GABPB1: variants seen among roughly 807,000 people sequenced by gnomAD.
The protein encoded by GABPB1 is GA-binding protein subunit beta-1.
Under a neutral mutation model 45.9 loss-of-function variants are expected in GABPB1, and 15 were observed. The observed-to-expected ratio is 0.33, with a 90% CI of 0.22 to 0.50. The LOEUF is 0.50. GABPB1 is among the 20% of genes least tolerant of loss of function. The pLI is 0.98. For synonymous variants in GABPB1, 143 were observed against 154.4 expected, an observed-to-expected ratio of 0.93 and a Z score of 0.55; for missense variants, 252 against 457.5, an observed-to-expected ratio of 0.55 and a Z score of 4.10.
intron 1 of GABPB1, chr15:50,347,388 C>A (rs1049795045): frequency 9.2e-5 from 14 of 151,964 alleles, no homozygotes; most frequent in Admixed American, 5.9e-4. Context: ...ACACACCATA[C>A]AAATTTTTTT....
intron 6 of GABPB1, among the ~76,000 whole-genome samples, chr15:50,294,278 G>A (rs995086325): frequency 2.6e-5 from 4 of 152,180 alleles, no homozygotes; most frequent in African/African-American, 9.7e-5. Flanking sequence ...CACTTCAGGA[G>A]GCCAAGGCAG....
At chr15:50,353,139 GAATTA>G (rs2048916933) in intron 1 of GABPB1, 1 of 152,118 alleles carries the variant, frequency 6.6e-6, no homozygotes, top group East Asian at 1.9e-4. Flanking sequence ...ATATGTAATA[GAATTA>G]AATGTTTTAA....
intron 6 of GABPB1, among the ~76,000 whole-genome samples, chr15:50,291,792 C>T (rs2046350577): frequency 6.6e-6 from 1 of 151,830 alleles, no homozygotes; most frequent in Non-Finnish European, 1.5e-5. Context: ...GTGTTTTACA[C>T]CTGTAGTCTC....
rs765328944 is a variant in GABPB1 at position 50,354,839 on chromosome 15, G to A, written c.-1+146C>T. On this transcript the variant is annotated intron_variant, in intron 1 of 8. Coordinates refer to ENST00000380877, the MANE Select transcript of GABPB1 (RefSeq NM_016654.5). ...CCCCGCGGAATAAGCGGGGCCAGGA[G>A]CCCCGGAAACCCGGCGCCTTAATGC... The A allele has an allele frequency of 3.0e-5, 7 of 230,682 alleles. No homozygotes were observed. In the South Asian group the frequency reaches 3.1e-4, roughly 10 times the overall value. 14.3% of individuals were successfully genotyped at this position (230,682 alleles called of 1,614,324 possible). A position where few individuals can be genotyped will look rare whatever the true frequency, so the allele number is the denominator to read the frequency against.
chr15:50,346,946 T>C, intron 1 of GABPB1, among the ~76,000 whole-genome samples: 1 of 152,066 alleles, frequency 6.6e-6, no homozygotes, highest in Non-Finnish European at 1.5e-5. Flanking sequence ...CCTGCCACTG[T>C]GCCCGGCTAA....
chr15:50,321,395 T>TA (rs1331062222), intron 1 of GABPB1, among the ~76,000 whole-genome samples: 1 of 152,194 alleles, frequency 6.6e-6, no homozygotes, highest in African/African-American at 2.4e-5. Flanking sequence ...AGTGAAATCA[T>TA]ACTCACAAAG....
chr15:50,286,408 T>A (rs972511611), intron 7 of GABPB1, among the ~76,000 whole-genome samples: 1 of 152,022 alleles, frequency 6.6e-6, no homozygotes, highest in African/African-American at 2.4e-5. Flanking sequence ...CAAATATTTT[T>A]TTAATTATAT....
At chr15:50,283,519 G>T (rs78382717) in intron 8 of GABPB1, among the ~76,000 whole-genome samples, 50 of 124,930 alleles carry the variant, frequency 4.0e-4, no homozygotes, top group African/African-American at 1.1e-3. Flanking sequence ...GCACCTTATT[G>T]TTTTTTTTTT....
rs1303718102 is a variant in GABPB1 at position 50,351,571 on chromosome 15, G to A, written c.-1+3414C>T. ...TAAGCCTGGGTAACAGAGAAAGCAA[G>A]ACCCTGTCAAAGAAAGAAGAGGTGC... On this transcript the variant is annotated intron_variant, in intron 1 of 8. Coordinates refer to ENST00000380877, the MANE Select transcript of GABPB1 (RefSeq NM_016654.5). The A allele has an allele frequency of 5.3e-5, 8 of 150,640 alleles. No individual in the cohort carries two copies. The Admixed American group carries it at 5.4e-4, about 10-fold the overall frequency. 9.3% of individuals were successfully genotyped at this position (150,640 alleles called of 1,614,324 possible).
chr15:50,337,096 T>TGA (rs2048166576), intron 1 of GABPB1, among the ~76,000 whole-genome samples: 1 of 16,402 alleles, frequency 6.1e-5, no homozygotes, highest in African/African-American at 1.6e-4. Flanking sequence ...TATATATATA[T>TGA]ATATATATAT....
At chr15:50,295,681 A>C (rs2046487031) in intron 6 of GABPB1, among the ~76,000 whole-genome samples, 1 of 152,138 alleles carries the variant, frequency 6.6e-6, no homozygotes, top group Admixed American at 6.5e-5. Context: ...CAAAATGAAA[A>C]TCACACAAAA....
intron 7 of GABPB1, among the ~76,000 whole-genome samples, chr15:50,289,117 TCTAGGAAACTA>T (rs1226568914): frequency 6.6e-6 from 1 of 152,206 alleles, no homozygotes; most frequent in Non-Finnish European, 1.5e-5. Flanking sequence ...CATTAAATGA[TCTAGGAAACTA>T]CTGTCCAATG....
Position 50,285,175 on chromosome 15 carries a change from C to T in GABPB1, c.999+893G>A, listed in dbSNP as rs115273853. The stretch of plus-strand genomic sequence containing the variant: ...AAATATTCACCAAGTTTACTACAAA[C>T]ACGTATCAGATATAAATATTGTATG... On this transcript the variant is annotated intron_variant, in intron 8 of 8. Transcript: ENST00000380877. Among the ~76,000 whole-genome samples the T allele has an allele frequency of 5.6e-3, 847 of 152,260 alleles. 8 individuals are homozygous for T. Among genetic ancestry groups the T allele is most frequent in the African/African-American group, 0.019 (804 of 41,560 alleles).
At chr15:50,302,314 C>T (rs2046779035) in intron 4 of GABPB1, among the ~76,000 whole-genome samples, 1 of 151,926 alleles carries the variant, frequency 6.6e-6, no homozygotes, top group Non-Finnish European at 1.5e-5. Context: ...CTTGGAAAAA[C>T]CATATAGTAT....
chr15:50,332,509 T>C (rs889794024), intron 1 of GABPB1, among the ~76,000 whole-genome samples: 2 of 152,180 alleles, frequency 1.3e-5, no homozygotes, highest in Non-Finnish European at 1.5e-5. Context: ...AACTACATAA[T>C]GCTAAGAAAT....
At chr15:50,299,646 G>A (rs1258582876) in intron 6 of GABPB1, among the ~76,000 whole-genome samples, 2 of 152,050 alleles carry the variant, frequency 1.3e-5, no homozygotes, top group African/African-American at 4.8e-5. Flanking sequence ...TGATCCACCC[G>A]CCTCAGCCTC....
At chr15:50,345,073 A>G (rs1458320286) in intron 1 of GABPB1, among the ~76,000 whole-genome samples, 1 of 152,124 alleles carries the variant, frequency 6.6e-6, no homozygotes, top group East Asian at 1.9e-4. Flanking sequence ...TAAAACATCT[A>G]AGAGGGGAAT....
intron 1 of GABPB1, among the ~76,000 whole-genome samples, chr15:50,312,741 G>A (rs892866819): frequency 2.0e-5 from 3 of 152,114 alleles, no homozygotes; most frequent in Non-Finnish European, 4.4e-5. Context: ...TTTTACACAG[G>A]TAATATAAAA....
At chr15:50,292,473 T>C (rs970565113) in intron 6 of GABPB1, among the ~76,000 whole-genome samples, 12 of 152,106 alleles carry the variant, frequency 7.9e-5, no homozygotes, top group Admixed American at 7.9e-4. Context: ...AGATTACTAT[T>C]AGTTGCAAAG....
Sources: allele counts gnomAD v4.1 joint callset (sites outside exome capture counted in the v4.1 genomes callset), GRCh38; gene constraint gnomAD v4.1.1; transcripts MANE v1.5; gene names NCBI Gene and HGNC (gene_info 2026-07-23, HGNC 2026-07-21).